The following CEP290 variants were observed in gnomAD, a reference collection of about 807,000 sequenced individuals.
The protein encoded by CEP290 is centrosomal protein 290.
CEP290 carries 317 observed loss-of-function variants against 344.9 expected under a neutral mutation model. The observed-to-expected ratio is 0.92, with a 90% CI of 0.84 to 1.01. The LOEUF (loss-of-function observed/expected upper bound fraction) is 1.01, where lower values mean the gene tolerates loss of function less well. Among genes scored for constraint, CEP290 ranks in the 50% least tolerant of loss-of-function variants. The probability of loss-of-function intolerance (pLI) is 0.00; values close to 1 mark genes in which losing one functional copy is unlikely to be tolerated. For missense variants in CEP290, 2,754 were observed against 2,761.4 expected (o/e 1.00, Z 0.06); for synonymous variants, 932 against 895.8 (o/e 1.04, Z -0.72).
At chr12:88,058,443 G>A (rs542131041) in intron 49 of CEP290, 26 of 211,466 alleles carry the variant, frequency 1.2e-4, no homozygotes, top group African/African-American at 5.9e-4. Context: ...TGACAAGACA[G>A]CTCAATTATT....
intron 7 of CEP290, 134 bp downstream of exon 7, chr12:88,131,031 A>C: frequency 1.6e-6 from 1 of 643,976 alleles, no homozygotes; most frequent in Non-Finnish European, 2.4e-6. Context: ...ACAAAGTCAT[A>C]CCATAAAATC....
intron 47 of CEP290, among the ~76,000 whole-genome samples, chr12:88,060,474 G>A (rs1341613225): frequency 6.6e-6 from 1 of 152,032 alleles, no homozygotes; most frequent in African/African-American, 2.4e-5. Context: ...GCAGGAGAAT[G>A]GCATGAACCC....
intron 45 of CEP290, among the ~76,000 whole-genome samples, chr12:88,063,153 AAAAG>A (rs2034614542): frequency 6.6e-6 from 1 of 151,756 alleles, no homozygotes; most frequent in Non-Finnish European, 1.5e-5. Flanking sequence ...AAAAAAAAAA[AAAAG>A]GAAAAAAAGT....
intron 38 of CEP290, among the ~76,000 whole-genome samples, chr12:88,079,532 T>G (rs2036034876): frequency 6.6e-6 from 1 of 152,118 alleles, no homozygotes; most frequent in Non-Finnish European, 1.5e-5. Context: ...ACATCCAATT[T>G]TAGATATTTA....
At chr12:88,052,437 T>C (rs1406508261) in intron 52 of CEP290, among the ~76,000 whole-genome samples, 1 of 152,200 alleles carries the variant, frequency 6.6e-6, no homozygotes, top group Non-Finnish European at 1.5e-5. Flanking sequence ...AAGATGTCCA[T>C]GATAAACTGT....
At chr12:88,133,791 T>C (rs970014370) in intron 6 of CEP290, among the ~76,000 whole-genome samples, 2 of 152,204 alleles carry the variant, frequency 1.3e-5, no homozygotes, top group African/African-American at 4.8e-5. Flanking sequence ...TTGCCTATCA[T>C]TATTATTATC....
intron 6 of CEP290, among the ~76,000 whole-genome samples, chr12:88,133,137 G>A (rs965781103): frequency 6.7e-6 from 1 of 148,622 alleles, no homozygotes; most frequent in African/African-American, 2.5e-5. Flanking sequence ...GTCCAGTGGT[G>A]CGATCTCAGC....
chr12:88,095,753 GA>G (rs1191957854), intron 27 of CEP290, among the ~76,000 whole-genome samples: 3 of 152,108 alleles, frequency 2.0e-5, no homozygotes, highest in Non-Finnish European at 4.4e-5. Context: ...ACAAATACAT[GA>G]AAATACATTA....
chr12:88,062,310 G>T (rs551739380), intron 46 of CEP290, among the ~76,000 whole-genome samples: 232 of 152,196 alleles, frequency 1.5e-3, no homozygotes, highest in Non-Finnish European at 2.8e-3. Flanking sequence ...CAAAAAAAGA[G>T]GGGGAGGAAC....
intron 12 of CEP290, among the ~76,000 whole-genome samples, chr12:88,125,766 A>T (rs1027642624): frequency 6.6e-6 from 1 of 152,016 alleles, no homozygotes; most frequent in African/African-American, 2.4e-5. Flanking sequence ...TTATTAAAAA[A>T]TGTTGTCCCC....
At chr12:88,053,965 T>C (rs756068128) in intron 51 of CEP290, among the ~76,000 whole-genome samples, 12 of 152,154 alleles carry the variant, frequency 7.9e-5, no homozygotes, top group Non-Finnish European at 2.9e-5. Flanking sequence ...TGATGGCATT[T>C]GCAAGTGTGG....
At chr12:88,117,908 C>T (rs116220962) in intron 17 of CEP290, among the ~76,000 whole-genome samples, 3,530 of 152,032 alleles carry the variant, frequency 0.023, 118 homozygotes, top group African/African-American at 0.08. Context: ...TGGTGGCTCA[C>T]GCCTGTAGTC....
At chr12:88,095,671 T>C (rs1489082927) in intron 27 of CEP290, among the ~76,000 whole-genome samples, 1 of 152,180 alleles carries the variant, frequency 6.6e-6, no homozygotes, top group Non-Finnish European at 1.5e-5. Context: ...CTAAACCAAG[T>C]ATCTCATTAC....
Position 88,077,892 on chromosome 12 carries a change from ATT to A in CEP290, c.5389_5390del (p.Asn1797SerfsTer9). The A allele has an allele frequency of 7.4e-7, 1 of 1,357,618 alleles. No homozygotes were observed. The highest frequency in any genetic ancestry group is 1.0e-6 in the Non-Finnish European group (1 of 998,336). 84.1% of individuals were successfully genotyped at this position (1,357,618 alleles called of 1,614,324 possible). On this transcript the variant is annotated frameshift_variant, in exon 40 of 54. Coordinates refer to ENST00000552810, the MANE Select transcript of CEP290 (RefSeq NM_025114.4). LOFTEE classifies it high-confidence loss of function. Reference sequence around the variant, plus strand: ...TAAGTGCTTCTTTCAATTTTAAAAGATTTTCATTTAAATCTTCAACTTGTGTC... The same window carrying A: ...TAAGTGCTTCTTTCAATTTTAAAAGATTCATTTAAATCTTCAACTTGTGTC... The part of the protein sequence containing the change: ...LKTQVEDLNE[N>X]LLKLKEALKT...
rs776645403 is a variant in CEP290, at chr12:88,125,357, G to A, written c.1078C>T (p.Arg360Ter). ...GTGAGCATCTTAATTTGACTGTCTC[G>A]TTCCTGTATACCCTATAAAATATTT... ...VMALQQGIQE[R>*]DSQIKMLTEQ... The change falls in exon 13 of 54, where the codon CGA becomes TGA. Residue 360 changes from arginine (R) to a stop codon, truncating the protein, a stop_gained. Coordinates refer to ENST00000552810, the MANE Select transcript of CEP290 (RefSeq NM_025114.4). LOFTEE classifies it high-confidence loss of function. 26 of 1,307,728 alleles carry A rather than the reference G, an allele frequency of 2.0e-5. No individual in the cohort carries two copies. The South Asian group carries it at 2.0e-4, about 10-fold the overall frequency. 81.0% of individuals were successfully genotyped at this position (1,307,728 alleles called of 1,614,324 possible).
chr12:88,070,536 G>A (rs1351195776), intron 43 of CEP290, among the ~76,000 whole-genome samples: 1 of 152,072 alleles, frequency 6.6e-6, no homozygotes, highest in African/African-American at 2.4e-5. Flanking sequence ...CATAGCAGTG[G>A]TAATAGAGGC....
Position 88,085,715 on chromosome 12 carries a change from A to C in CEP290, c.4437+324T>G, listed in dbSNP as rs115578573. On this transcript the variant is annotated intron_variant, in intron 34 of 53. Coordinates refer to ENST00000552810, the MANE Select transcript of CEP290 (RefSeq NM_025114.4). ...TTGATTCATAGATTATGTAACATGC[A>C]CTTCAAAATAAAACCAAAAAAGTAA... Among the ~76,000 whole-genome samples the C allele has an allele frequency of 8.5e-3, 1,292 of 152,256 alleles. 25 individuals are homozygous for C. The highest frequency in any genetic ancestry group is 0.029 in the African/African-American group (1,221 of 41,578).
chr12:88,050,788 A>G (rs2033429248), intron 52 of CEP290, among the ~76,000 whole-genome samples: 1 of 152,222 alleles, frequency 6.6e-6, no homozygotes, highest in Admixed American at 6.5e-5. Context: ...GTAAGGGACT[A>G]TAACCATAAG....
intron 6 of CEP290, 105 bp from the exon 7 acceptor site, chr12:88,131,323 G>A: frequency 1.3e-6 from 1 of 763,724 alleles, no homozygotes; most frequent in Admixed American, 3.7e-5. Context: ...GAGTACAGTG[G>A]TGCGATCTCG....
Sources: gnomAD v4.1 joint callset for allele counts (sites outside exome capture counted in the v4.1 genomes callset) on GRCh38, gnomAD v4.1.1 for gene constraint, MANE v1.5 for transcripts, NCBI Gene and HGNC (gene_info 2026-07-23, HGNC 2026-07-21) for gene names.